The following LTB variants were observed in gnomAD, a reference collection of about 807,000 sequenced individuals.
LTB encodes lymphotoxin beta, also known as lymphotoxin-beta.
LTB carries 17 observed loss-of-function variants against 14.7 expected under a neutral mutation model. The ratio of observed to expected loss-of-function variants is 1.16; its 90% CI spans 0.79 to 1.73. LTB has a LOEUF of 1.73. LTB is among the 40% of genes most tolerant of loss of function. LTB has a pLI of 0.00. For missense variants in LTB, 288 were observed against 324.3 expected, an observed-to-expected ratio of 0.89 and a Z score of 0.86; for synonymous variants, 163 against 157.3, an observed-to-expected ratio of 1.04 and a Z score of -0.27.
intron 2 of LTB, 22 bp downstream of exon 2, chr6:31,581,789 GGAA>G (rs1221767264): frequency 6.2e-7 from 1 of 1,612,334 alleles, no homozygotes; most frequent in Non-Finnish European, 8.5e-7. Flanking sequence ...TCTGAAGCGG[GGAA>G]GGAGAGACAG....
chr6:31,580,926 C>A lies in LTB; in HGVS notation c.518G>T (p.Gly173Val). 6.3e-7 allele frequency: 1 copy of A among 1,584,074 alleles called. No individual in the cohort carries two copies. Among genetic ancestry groups the A allele is most frequent in the East Asian group, 2.3e-5 (1 of 42,786 alleles). Residue 173 changes from glycine to valine, a missense_variant, in exon 4 of 4, where the codon GGC becomes GTC. Physicochemically the swap from Gly to Val is moderately radical, Grantham distance 109. Transcript: ENST00000429299. This position sits in a 1 kb window ranked among gnomAD's most constrained non-coding sequence, Gnocchi z 6.6. ...LYRAGGAYGP[G>V]TPELLLEGAE... is the part of the protein sequence containing the mutation. ...GCCCTCGAGCAGCAGCTCGGGAGTG[C>A]CCGGCCCGTAGGCGCCCCCCGCCCG... is the stretch of plus-strand genomic sequence containing the variant.
intron 1 of LTB, 121 bp downstream of exon 1, chr6:31,582,135 T>C (rs552223075): frequency 1.7e-6 from 2 of 1,167,950 alleles, no homozygotes; most frequent in Middle Eastern, 2.0e-4. Flanking sequence ...AGACAAGACA[T>C]CCCCACCAGG....
intron 3 of LTB, 39 bp from the exon 4 acceptor site, chr6:31,581,202 T>C (rs758483003): frequency 6.7e-7 from 1 of 1,497,984 alleles, no homozygotes; most frequent in Middle Eastern, 1.9e-4. Context: ...GGGAATGCGA[T>C]CCTAAAGGCT....
In LTB at chr6:31,581,629, C is replaced by T. The variant is rs765766320; in HGVS notation, c.210G>A (p.Gly70=). 3 of 1,612,938 alleles carry T rather than the reference C, an allele frequency of 1.9e-6. No individual in the cohort carries two copies. The highest frequency in any genetic ancestry group is 1.7e-5 in the Admixed American group (1 of 60,006). ...GCTCCTCCTCTGGCAGCTTCTGAAACCCTGGAAGGGGCAAAGAGTCCACGA... is the reference window on the plus strand; with the variant it reads ...GCTCCTCCTCTGGCAGCTTCTGAAATCCTGGAAGGGGCAAAGAGTCCACGA... ...DPGAQAQQGL[G]FQKLPEEEPE... is the part of the protein sequence containing the mutation. The change falls in exon 3 of 4, where the codon GGG becomes GGA. Residue 70 remains glycine (G), a splice_region_variant and synonymous_variant. Coordinates refer to ENST00000429299, the MANE Select transcript of LTB (RefSeq NM_002341.2).
At position 31,581,136 on chromosome 6, in the gene LTB, C is replaced by T. The variant is rs1771479928; in HGVS notation, c.308G>A (p.Gly103Asp). Reference sequence around the variant, plus strand: ...CGCCTGTTCCTTCGTCGTCTCCCAGCCTAGCCCCTGCCCCTTCAGCGGAGC... The same window carrying T: ...CGCCTGTTCCTTCGTCGTCTCCCAGTCTAGCCCCTGCCCCTTCAGCGGAGC... ...IGAPLKGQGL[G>D]WETTKEQAFL... is the part of the protein sequence containing the mutation. Residue 103 changes from glycine to aspartate, a missense_variant, in exon 4 of 4, where the codon GGC becomes GAC. Coordinates refer to ENST00000429299, the MANE Select transcript of LTB (RefSeq NM_002341.2). 2 of 1,565,678 alleles carry T rather than the reference C, an allele frequency of 1.3e-6. No individual in the cohort carries two copies. The highest frequency in any genetic ancestry group is 2.7e-5 in the African/African-American group (2 of 73,204).
rs1771411352 is a variant in LTB, at chr6:31,580,647, A to T, written c.*62T>A. ...AGTCTCCTACATTTTTCCCACTGCCATGGGGTCCTGGGCGTCCGGGCCCCC... is the reference window on the plus strand; with the variant it reads ...AGTCTCCTACATTTTTCCCACTGCCTTGGGGTCCTGGGCGTCCGGGCCCCC... On this transcript the variant is annotated 3_prime_UTR_variant, in exon 4 of 4. Transcript: ENST00000429299. This position sits in a 1 kb window ranked among gnomAD's most constrained non-coding sequence, Gnocchi z 6.6. 1 of 1,447,270 alleles carries T rather than the reference A, an allele frequency of 6.9e-7. No homozygotes were observed. The highest frequency in any genetic ancestry group is 9.5e-7 in the Non-Finnish European group (1 of 1,057,800). 89.7% of individuals were successfully genotyped at this position (1,447,270 alleles called of 1,614,324 possible). A position where few individuals can be genotyped will look rare whatever the true frequency, so the allele number is the denominator to read the frequency against.
chr6:31,580,980 C>A lies in LTB; in HGVS notation c.464G>T (p.Arg155Leu), dbSNP rs1020552221. 1.9e-6 allele frequency: 3 copies of A among 1,563,732 alleles called. No individual in the cohort carries two copies. The Admixed American group carries it at 5.7e-5, about 30-fold the overall frequency. Residue 155 changes from arginine to leucine, a missense_variant, in exon 4 of 4, where the codon CGC (arginine) becomes CTC (leucine). Around this residue, in one of 2 missense-constraint regions of LTB, gnomAD observed 284 missense variants for 299.2 expected, o/e 0.95. Coordinates refer to ENST00000429299, the MANE Select transcript of LTB (RefSeq NM_002341.2). The surrounding 1 kb of genome is among the most constrained non-coding windows in gnomAD (Gnocchi z 6.6). The part of the protein sequence containing the change: ...APPGGGDPQG[R>L]SVTLRSSLYR... Reference sequence around the variant, plus strand: ...CAGAGAGCTGCGCAGCGTGACCGAGCGGCCCTGGGGGTCCCCGCCGCCAGG... The same window carrying A: ...CAGAGAGCTGCGCAGCGTGACCGAGAGGCCCTGGGGGTCCCCGCCGCCAGG...
chr6:31,581,879 GTGCCCAGAGTT>G lies in LTB; in HGVS notation c.163-31_163-21del, dbSNP rs1771553875. ...CGTTACCTGGTTGGGTGGGGTCACA[GTGCCCAGAGTT>G]CAGATTCAGCTCATGTCACCCCTAC... On this transcript the variant is annotated intron_variant, in intron 1 of 3. Coordinates refer to ENST00000429299, the MANE Select transcript of LTB (RefSeq NM_002341.2). The G allele has an allele frequency of 6.4e-7, 1 of 1,567,610 alleles. No individual in the cohort carries two copies. Among genetic ancestry groups the G allele is most frequent in the Admixed American group, 1.9e-5 (1 of 52,068 alleles).
chr6:31,581,235 G>T lies in LTB; in HGVS notation c.281-72C>A, dbSNP rs796376260. The T allele has an allele frequency of 2.7e-5, 38 of 1,409,596 alleles. No individual in the cohort carries two copies. In the African/African-American group the frequency reaches 5.0e-4, roughly 19 times the overall value. The allele number at this position is 1,409,596 out of a possible 1,614,324, so 87.3% of individuals were successfully genotyped here. On this transcript the variant is annotated intron_variant, in intron 3 of 3. Coordinates refer to ENST00000429299, the MANE Select transcript of LTB (RefSeq NM_002341.2). ...GCTTGGGACTTCTGGGGAAGTGGCG[G>T]CTTTTAGCCCCTGCGGGAGCCGAGC...
chr6:31,581,145 T>C lies in LTB; in HGVS notation c.299A>G (p.Gln100Arg). Reference protein sequence around the residue: ...AHLIGAPLKGQGLGWETTKEQ... With the variant: ...AHLIGAPLKGRGLGWETTKEQ... Reference sequence around the variant, plus strand: ...CTTCGTCGTCTCCCAGCCTAGCCCCTGCCCCTTCAGCGGAGCGCCTGCGGA... The same window carrying C: ...CTTCGTCGTCTCCCAGCCTAGCCCCCGCCCCTTCAGCGGAGCGCCTGCGGA... The change falls in exon 4 of 4, where the codon CAG becomes CGG. Residue 100 changes from glutamine (Q) to arginine (R), a missense_variant. Gln to Arg is a conservative substitution (Grantham distance 43, BLOSUM62 1). Coordinates refer to ENST00000429299, the MANE Select transcript of LTB (RefSeq NM_002341.2). 6.5e-7 allele frequency: 1 copy of C among 1,546,634 alleles called. No homozygotes were observed.
At chr6:31,581,889 T>A in intron 1 of LTB, 30 bp from the exon 2 acceptor site, 1 of 1,556,800 alleles carries the variant, frequency 6.4e-7, no homozygotes. Flanking sequence ...GTGCCCAGAG[T>A]TCAGATTCAG....
intron 1 of LTB, 162 bp from the exon 2 acceptor site, chr6:31,582,021 G>T: frequency 1.2e-6 from 1 of 819,182 alleles, no homozygotes. Context: ...TAGGTACTTG[G>T]GCGGAGAAAC....
intron 3 of LTB, 122 bp downstream of exon 3, chr6:31,581,437 C>A: frequency 1.0e-6 from 1 of 984,696 alleles, no homozygotes. Context: ...GCACGAGCGA[C>A]AAAAGGTCGT....
chr6:31,581,292 TG>T, intron 3 of LTB, 129 bp from the exon 4 acceptor site: 1 of 868,228 alleles, frequency 1.2e-6, no homozygotes, highest in Non-Finnish European at 1.7e-6. Context: ...GTGCTGTTTC[TG>T]GGATGAGTGC....
intron 2 of LTB, 90 bp downstream of exon 2, chr6:31,581,724 T>A (rs1583057738): frequency 6.2e-7 from 1 of 1,601,194 alleles, no homozygotes; most frequent in Non-Finnish European, 8.6e-7. Context: ...GGAGCCTGGA[T>A]TCCTAGAGGA....
At chr6:31,582,142 C>A in intron 1 of LTB, 114 bp downstream of exon 1, 3 of 1,263,532 alleles carry the variant, frequency 2.4e-6, no homozygotes, top group Non-Finnish European at 3.4e-6. Flanking sequence ...ACATCCCCAC[C>A]AGGGACAGCC....
Position 31,580,891 on chromosome 6 carries a change from C to A in LTB, c.553G>T (p.Val185Leu). The change falls in exon 4 of 4, where the codon GTG (valine) becomes TTG (leucine). Residue 185 changes from valine (V) to leucine (L), a missense_variant. Transcript: ENST00000429299. This position sits in a 1 kb window ranked among gnomAD's most constrained non-coding sequence, Gnocchi z 6.6. ...CTGGCCGGGTCCAGCACTGGAGTCA[C>A]CGTCTCGGCGCCCTCGAGCAGCAGC... Reference protein sequence around the residue: ...PELLLEGAETVTPVLDPARRQ... With the variant: ...PELLLEGAETLTPVLDPARRQ... 1 of 1,601,192 alleles carries A rather than the reference C, an allele frequency of 6.2e-7. No individual in the cohort carries two copies.
At chr6:31,581,991 A>T (rs1771569777) in intron 1 of LTB, 132 bp from the exon 2 acceptor site, 2 of 935,186 alleles carry the variant, frequency 2.1e-6, no homozygotes, top group African/African-American at 1.7e-5. Context: ...ACCTCCTTAG[A>T]AGGGAGAACA....
At position 31,581,573 on chromosome 6, in the gene LTB, G is replaced by A. The variant is rs1383320828; in HGVS notation, c.266C>T (p.Ala89Val). ...GAGGTCCTTACCTATGAGGTGGGCA[G>A]CTGGGAGCCCGGGGCTGAGATCTGT... The part of the protein sequence containing the change: ...PETDLSPGLP[A>V]AHLIGAPLKG... The change falls in exon 3 of 4, where the codon GCT becomes GTT. Residue 89 changes from alanine (A) to valine (V), a missense_variant. This residue lies in a region of LTB where 284 missense variants were observed against 299.2 expected (regional missense o/e 0.95). Transcript: ENST00000429299. 6.2e-7 allele frequency: 1 copy of A among 1,613,030 alleles called. No individual in the cohort carries two copies. The highest frequency in any genetic ancestry group is 8.5e-7 in the Non-Finnish European group (1 of 1,179,994).
Sources: allele counts gnomAD v4.1 joint callset, GRCh38; gene constraint gnomAD v4.1.1; regional missense constraint gnomAD v4.1.1; non-coding constraint Gnocchi (gnomAD v3.1); transcripts MANE v1.5; gene names NCBI Gene and HGNC (gene_info 2026-07-23, HGNC 2026-07-21).